Variants in LIN28B observed in about 807,000 individuals in gnomAD.
The protein encoded by LIN28B is lin-28 RNA binding posttranscriptional regulator B.
Under a neutral mutation model 21.9 loss-of-function variants are expected in LIN28B, and 5 were observed. The ratio of observed to expected loss-of-function variants is 0.23; its 90% CI spans 0.12 to 0.48. The LOEUF is 0.48. LIN28B is among the 20% of genes least tolerant of loss of function. The pLI is 0.98. For missense variants in LIN28B, 245 were observed against 310.5 expected (o/e 0.79, Z 1.58); for synonymous variants, 109 against 111.3 (o/e 0.98, Z 0.13).
At chr6:105,013,885 G>A (rs971449698) in intron 2 of LIN28B, among the ~76,000 whole-genome samples, 5 of 151,932 alleles carry the variant, frequency 3.3e-5, no homozygotes, top group African/African-American at 1.2e-4. Flanking sequence ...TCCTTTTAAT[G>A]TCTGTGGGAT....
chr6:105,023,362 TTATATATAA>T (rs1215678097), intron 2 of LIN28B, among the ~76,000 whole-genome samples: 2 of 14,176 alleles, frequency 1.4e-4, no homozygotes, highest in Non-Finnish European at 2.2e-4. Context: ...TATAATTATA[TTATATATAA>T]TATATATAAT....
chr6:104,974,075 G>A (rs1359938617), intron 2 of LIN28B, among the ~76,000 whole-genome samples: 2 of 152,204 alleles, frequency 1.3e-5, no homozygotes, highest in Non-Finnish European at 2.9e-5. Context: ...ACCACAGACT[G>A]ACTCATAAAA....
chr6:104,999,027 C>A (rs1770668472), intron 2 of LIN28B, among the ~76,000 whole-genome samples: 2 of 152,100 alleles, frequency 1.3e-5, no homozygotes, highest in Middle Eastern at 6.8e-3. Flanking sequence ...TTAGAAAAAA[C>A]AAGCATCGTT....
intron 2 of LIN28B, among the ~76,000 whole-genome samples, chr6:104,992,741 C>A (rs11156432): frequency 0.16 from 24,725 of 151,968 alleles, 2,732 homozygotes; most frequent in East Asian, 0.52. Flanking sequence ...AACTCCTGTG[C>A]TCAAGTGGTC....
intron 2 of LIN28B, among the ~76,000 whole-genome samples, chr6:104,976,703 A>C (rs1770102751): frequency 6.6e-6 from 1 of 152,196 alleles, no homozygotes; most frequent in Non-Finnish European, 1.5e-5. Context: ...CAGCCTGAGA[A>C]GGCATTTCAT....
At chr6:105,060,146 G>A (rs980030035) in intron 3 of LIN28B, among the ~76,000 whole-genome samples, 8 of 152,114 alleles carry the variant, frequency 5.3e-5, no homozygotes, top group African/African-American at 1.9e-4. Flanking sequence ...CAGGTGATCC[G>A]CCTGCCTTGG....
intron 2 of LIN28B, among the ~76,000 whole-genome samples, chr6:105,022,691 T>G (rs1314766077): frequency 6.6e-6 from 1 of 152,136 alleles, no homozygotes; most frequent in Non-Finnish European, 1.5e-5. Flanking sequence ...TTAGGTTTTA[T>G]GGCTGGCTTT....
chr6:105,035,452 A>C (rs221615), intron 3 of LIN28B, among the ~76,000 whole-genome samples: 1 of 151,894 alleles, frequency 6.6e-6, no homozygotes, highest in African/African-American at 2.4e-5. Flanking sequence ...TCTGACCTAT[A>C]ACCCCTATTC....
chr6:104,963,008 T>C (rs1419632508), intron 2 of LIN28B, among the ~76,000 whole-genome samples: 2 of 152,212 alleles, frequency 1.3e-5, no homozygotes, highest in Non-Finnish European at 2.9e-5. Context: ...CTGAGTGCTT[T>C]AAGGCCGTTT....
At chr6:105,014,899 T>C (rs891531519) in intron 2 of LIN28B, among the ~76,000 whole-genome samples, 7 of 152,048 alleles carry the variant, frequency 4.6e-5, no homozygotes, top group African/African-American at 1.7e-4. Flanking sequence ...CCCGTGATTT[T>C]TTTTTTGCAT....
chr6:104,942,731 G>T (rs1778111430), intron 2 of LIN28B, among the ~76,000 whole-genome samples: 1 of 152,120 alleles, frequency 6.6e-6, no homozygotes, highest in East Asian at 1.9e-4. Context: ...CAGAGCTTTA[G>T]AAATGAAACT....
intron 3 of LIN28B, 53 bp from the exon 4 acceptor site, chr6:105,078,361 T>C: frequency 6.6e-7 from 1 of 1,515,552 alleles, no homozygotes; most frequent in South Asian, 1.3e-5. Context: ...TAAAATGTGT[T>C]TTTGGATACA....
intron 3 of LIN28B, among the ~76,000 whole-genome samples, chr6:105,071,019 G>A (rs1772323016): frequency 6.6e-6 from 1 of 152,136 alleles, no homozygotes; most frequent in South Asian, 2.1e-4. Flanking sequence ...TAAAATTATA[G>A]GCACGCACTA....
intron 3 of LIN28B, among the ~76,000 whole-genome samples, chr6:105,048,804 A>G (rs1771827932): frequency 6.6e-6 from 1 of 152,142 alleles, no homozygotes; most frequent in African/African-American, 2.4e-5. Flanking sequence ...TTATTTGCAA[A>G]GAGGTGTTTA....
At position 105,067,566 on chromosome 6, in the gene LIN28B, C is replaced by G. The variant is rs146011512; in HGVS notation, c.384-10848C>G. Among the ~76,000 whole-genome samples, 285 of 152,294 alleles carry G rather than the reference C, an allele frequency of 1.9e-3. 4 individuals are homozygous for G. Among genetic ancestry groups the G allele is most frequent in the Middle Eastern group, 3.4e-3 (1 of 294 alleles). On this transcript the variant is annotated intron_variant, in intron 3 of 3. Transcript: ENST00000345080. Reference sequence around the variant, plus strand: ...ATCTGTGTTTGAGTAATCTTTCTCTCTCTCTCTTTTTTTTAAACTTTTCCA... The same window carrying G: ...ATCTGTGTTTGAGTAATCTTTCTCTGTCTCTCTTTTTTTTAAACTTTTCCA...
At chr6:105,076,546 T>C (rs1411407102) in intron 3 of LIN28B, among the ~76,000 whole-genome samples, 1 of 152,168 alleles carries the variant, frequency 6.6e-6, no homozygotes, top group Non-Finnish European at 1.5e-5. Flanking sequence ...CATACAAATA[T>C]GTCATCATAA....
At chr6:105,048,500 A>T (rs199733978) in intron 3 of LIN28B, among the ~76,000 whole-genome samples, 1 of 152,142 alleles carries the variant, frequency 6.6e-6, no homozygotes, top group South Asian at 2.1e-4. Context: ...TGTCTCTGTC[A>T]GGCTTTGGTA....
chr6:105,067,458 G>T (rs1772241597), intron 3 of LIN28B, among the ~76,000 whole-genome samples: 2 of 152,146 alleles, frequency 1.3e-5, no homozygotes, highest in African/African-American at 4.8e-5. Flanking sequence ...AGCAGCACTG[G>T]CCGAGTACCC....
At chr6:104,975,670 G>A (rs775127445) in intron 2 of LIN28B, among the ~76,000 whole-genome samples, 8 of 150,726 alleles carry the variant, frequency 5.3e-5, no homozygotes, top group Non-Finnish European at 7.4e-5. Flanking sequence ...TTTTTTGGAC[G>A]CAAGACCTTG....
Sources: allele counts gnomAD v4.1 joint callset (sites outside exome capture counted in the v4.1 genomes callset), GRCh38; gene constraint gnomAD v4.1.1; transcripts MANE v1.5; gene names NCBI Gene and HGNC (gene_info 2026-07-23, HGNC 2026-07-21).